The following CTSO variants were observed in gnomAD, a reference collection of about 807,000 sequenced individuals.
The protein encoded by CTSO is cathepsin O.
CTSO carries 40 observed loss-of-function variants against 42.4 expected under a neutral mutation model. The observed-to-expected ratio is 0.94, with a 90% CI of 0.73 to 1.23. The LOEUF (loss-of-function observed/expected upper bound fraction) is 1.23. CTSO is among the 50% of genes most tolerant of loss of function. The pLI is 0.00. For missense variants in CTSO, 441 were observed against 396.0 expected, an observed-to-expected ratio of 1.11 and a Z score of -0.96; for synonymous variants, 156 against 146.2, an observed-to-expected ratio of 1.07 and a Z score of -0.48.
At chr4:155,942,531 T>A in intron 2 of CTSO, 75 bp from the exon 3 acceptor site, 1 of 658,510 alleles carries the variant, frequency 1.5e-6, no homozygotes, top group Non-Finnish European at 2.0e-6. Context: ...TCATATATAT[T>A]TGTTATATAT....
chr4:155,942,773 A>T (rs1328495382), intron 2 of CTSO, among the ~76,000 whole-genome samples: 2 of 152,086 alleles, frequency 1.3e-5, no homozygotes, highest in Non-Finnish European at 2.9e-5. Flanking sequence ...GAGTTGACAC[A>T]TAAAATGATT....
intron 6 of CTSO, 69 bp downstream of exon 6, chr4:155,929,473 A>G (rs1743191712): frequency 2.4e-5 from 35 of 1,485,092 alleles, no homozygotes; most frequent in Non-Finnish European, 3.1e-5. Context: ...AATGTTCTAC[A>G]GTATGGTGAT....
chr4:155,947,817 G>A (rs947187248), intron 1 of CTSO, among the ~76,000 whole-genome samples: 18 of 152,112 alleles, frequency 1.2e-4, no homozygotes, highest in African/African-American at 3.6e-4. Flanking sequence ...CTCAACAGAG[G>A]ATATGATAGG....
chr4:155,953,422 T>C (rs1185255872), intron 1 of CTSO, among the ~76,000 whole-genome samples: 3 of 152,218 alleles, frequency 2.0e-5, no homozygotes, highest in Non-Finnish European at 2.9e-5. Flanking sequence ...AAGGACACTT[T>C]GGACGTATCT....
rs770154754 is a variant in CTSO, at chr4:155,939,588, T to A, written c.385-50A>T. ...GGTATTTCCAGGGTTTAAATCAACT[T>A]ACCAACATCTCTAAATGTAACAAGT... On this transcript the variant is annotated intron_variant, in intron 3 of 7. Transcript: ENST00000433477. 8 of 1,490,206 alleles carry A rather than the reference T, an allele frequency of 5.4e-6. No individual in the cohort carries two copies. In the Admixed American group the frequency reaches 5.8e-5, roughly 11 times the overall value. The allele number at this position is 1,490,206 out of a possible 1,614,324, so 92.3% of individuals were successfully genotyped here.
At position 155,953,750 on chromosome 4, in the gene CTSO, C is replaced by T. The variant is rs1327003630; in HGVS notation, c.98G>A (p.Trp33Ter). 1.6e-6 allele frequency: 2 copies of T among 1,286,386 alleles called. No homozygotes were observed. The highest frequency in any genetic ancestry group is 2.5e-5 in the South Asian group (1 of 39,548). 79.7% of individuals were successfully genotyped at this position (1,286,386 alleles called of 1,614,324 possible). The change falls in exon 1 of 8, where the codon TGG becomes TAG. Residue 33 changes from tryptophan (W) to a stop codon, truncating the protein, a stop_gained. Coordinates refer to ENST00000433477, the MANE Select transcript of CTSO (RefSeq NM_001334.3). LOFTEE classifies it high-confidence loss of function. ...GGCTTCACGCTCGCGGCTCCGCGGC[C>T]AGGTCGGGGTGAAGGGGGCGCGGGA... is the stretch of plus-strand genomic sequence containing the variant. ...ADSRAPFTPT[W>*]PRSREREAAA...
Position 155,943,186 on chromosome 4 carries a change from A to G in CTSO, c.214T>C (p.Phe72Leu). The change falls in exon 2 of 8, where the codon TTT (phenylalanine) becomes CTT (leucine). Residue 72 changes from phenylalanine to leucine, a missense_variant. Phe to Leu is a conservative substitution (Grantham distance 22). Transcript: ENST00000433477. ...NSTAFYGINQ[F>L]SYLFPEEFKA... ...AACTCTTCAGGAAACAAATAGGAAA[A>G]CTGATTTATTCCATAGAAGGCGGTG... is the stretch of plus-strand genomic sequence containing the variant. 3.1e-6 allele frequency: 5 copies of G among 1,611,398 alleles called. No homozygotes were observed. Among genetic ancestry groups the G allele is most frequent in the Non-Finnish European group, 4.2e-6 (5 of 1,177,918 alleles).
At chr4:155,933,307 T>C (rs1203394821) in intron 5 of CTSO, among the ~76,000 whole-genome samples, 1 of 152,110 alleles carries the variant, frequency 6.6e-6, no homozygotes, top group South Asian at 2.1e-4. Context: ...GCCGCCACCA[T>C]GTAAGAAGTG....
chr4:155,945,200 T>C (rs1212564325), intron 1 of CTSO, among the ~76,000 whole-genome samples: 1 of 151,750 alleles, frequency 6.6e-6, no homozygotes, highest in Non-Finnish European at 1.5e-5. Flanking sequence ...GAGGTTGCAG[T>C]GAGCCGAGAT....
intron 1 of CTSO, among the ~76,000 whole-genome samples, chr4:155,944,054 T>A (rs547579041): frequency 6.6e-6 from 1 of 152,234 alleles, no homozygotes; most frequent in Non-Finnish European, 1.5e-5. Context: ...TGTACTTATG[T>A]GTTTATTGTG....
chr4:155,932,968 C>A (rs183303025), intron 5 of CTSO, among the ~76,000 whole-genome samples: 1 of 152,142 alleles, frequency 6.6e-6, no homozygotes, highest in East Asian at 1.9e-4. Context: ...TATCTCCTCT[C>A]CAATAAAAAA....
rs533631177 is a variant in CTSO, at chr4:155,929,800, G to T, written c.675-95C>A. The T allele has an allele frequency of 8.9e-4, 1,074 of 1,213,052 alleles. 3 individuals carry two copies. Among genetic ancestry groups the T allele is most frequent in the Non-Finnish European group, 1.1e-3 (949 of 893,362 alleles). The allele number at this position is 1,213,052 out of a possible 1,614,324, so 75.1% of individuals were successfully genotyped here. On this transcript the variant is annotated intron_variant, in intron 5 of 7. Transcript: ENST00000433477. ...TCTGTGTATGATTCTGAGTAGGTTT[G>T]GTTGCAGTTACAAAGGACCTAAACA... is the stretch of plus-strand genomic sequence containing the variant.
At chr4:155,932,520 T>C (rs1013635395) in intron 5 of CTSO, among the ~76,000 whole-genome samples, 14 of 152,114 alleles carry the variant, frequency 9.2e-5, no homozygotes, top group African/African-American at 3.4e-4. Context: ...CTCACCCAAC[T>C]TGCAACAATG....
intron 1 of CTSO, among the ~76,000 whole-genome samples, chr4:155,948,373 T>TTGTGTG (rs55984712): frequency 1.3e-4 from 19 of 150,972 alleles, no homozygotes; most frequent in African/African-American, 4.6e-4. Flanking sequence ...AAAGCTGCCT[T>TTGTGTG]TGTGTGTGTG....
intron 1 of CTSO, among the ~76,000 whole-genome samples, 189 bp from the exon 2 acceptor site, chr4:155,943,453 T>A (rs1159203780): frequency 1.3e-5 from 2 of 152,204 alleles, no homozygotes; most frequent in Non-Finnish European, 2.9e-5. Flanking sequence ...ATTATCTAAT[T>A]GCAGACATTT....
chr4:155,941,870 C>T (rs1443699520), intron 3 of CTSO, among the ~76,000 whole-genome samples: 1 of 152,122 alleles, frequency 6.6e-6, no homozygotes, highest in Non-Finnish European at 1.5e-5. Context: ...GGAGATTCGG[C>T]CACACTGTTG....
chr4:155,938,390 G>A (rs1743368725), intron 4 of CTSO, among the ~76,000 whole-genome samples: 1 of 152,168 alleles, frequency 6.6e-6, no homozygotes, highest in Non-Finnish European at 1.5e-5. Flanking sequence ...AGAGAATTCA[G>A]GTTTGGGGAA....
chr4:155,947,530 A>G (rs1743570835), intron 1 of CTSO, among the ~76,000 whole-genome samples: 2 of 152,252 alleles, frequency 1.3e-5, no homozygotes, highest in African/African-American at 2.4e-5. Flanking sequence ...TAATACTATC[A>G]GTATATCCAA....
chr4:155,936,400 T>G (rs548652486), intron 5 of CTSO, among the ~76,000 whole-genome samples: 4 of 152,294 alleles, frequency 2.6e-5, no homozygotes, highest in African/African-American at 9.6e-5. Context: ...ATCCCATGGG[T>G]AGATACCATC....
Sources: gnomAD v4.1 joint callset for allele counts (sites outside exome capture counted in the v4.1 genomes callset) on GRCh38, gnomAD v4.1.1 for gene constraint, MANE v1.5 for transcripts, NCBI Gene and HGNC (gene_info 2026-07-23, HGNC 2026-07-21) for gene names.